The following SENP6 variants were observed in gnomAD, a reference collection of about 807,000 sequenced individuals.
SENP6 encodes the protein sentrin-specific protease 6.
In SENP6, 41 loss-of-function variants were observed where a neutral mutation model predicts 134.5. That is an observed-to-expected ratio of 0.30 (90% CI 0.24 to 0.40). SENP6 has a LOEUF of 0.40. Ranked by LOEUF, SENP6 falls within the 10% of genes least tolerant of loss-of-function variation. The pLI is 1.00. For missense variants in SENP6, 1,248 were observed against 1,312.5 expected (o/e 0.95, Z 0.76); for synonymous variants, 395 against 429.8 (o/e 0.92, Z 1.00).
intron 7 of SENP6, among the ~76,000 whole-genome samples, chr6:75,659,037 A>G (rs1771572020): frequency 6.7e-6 from 1 of 149,978 alleles, no homozygotes. Context: ...AGGCACAGGA[A>G]GGGCTTCTGT....
intron 1 of SENP6, among the ~76,000 whole-genome samples, chr6:75,617,473 C>T (rs1319358132): frequency 6.6e-6 from 1 of 151,196 alleles, no homozygotes; most frequent in African/African-American, 2.4e-5. Context: ...GGTTTCTCCA[C>T]GTTGGTCAGG....
intron 1 of SENP6, among the ~76,000 whole-genome samples, chr6:75,616,807 AT>A: frequency 6.6e-6 from 1 of 151,430 alleles, no homozygotes; most frequent in East Asian, 1.9e-4. Flanking sequence ...GTGCATAAAT[AT>A]TACGACGTCT....
intron 8 of SENP6, among the ~76,000 whole-genome samples, chr6:75,660,185 T>C (rs1771663858): frequency 6.6e-6 from 1 of 152,202 alleles, no homozygotes; most frequent in Non-Finnish European, 1.5e-5. Context: ...TTGTAAATGA[T>C]GTGTGTAGTT....
At chr6:75,697,055 C>T (rs1201166877) in intron 17 of SENP6, among the ~76,000 whole-genome samples, 2 of 152,114 alleles carry the variant, frequency 1.3e-5, no homozygotes, top group Non-Finnish European at 2.9e-5. Context: ...AGATAATGCT[C>T]ACTTTTCCTA....
intron 3 of SENP6, among the ~76,000 whole-genome samples, chr6:75,627,917 C>G (rs1437430395): frequency 6.6e-6 from 1 of 152,016 alleles, no homozygotes; most frequent in African/African-American, 2.4e-5. Context: ...CGTGATCTGC[C>G]CGCCTTGGCC....
At chr6:75,676,352 A>G (rs1029286571) in intron 13 of SENP6, among the ~76,000 whole-genome samples, 3 of 152,114 alleles carry the variant, frequency 2.0e-5, no homozygotes, top group African/African-American at 7.2e-5. Flanking sequence ...GTAAAATAAA[A>G]TTTTTTAACT....
Position 75,717,303 on chromosome 6 carries a change from T to C in SENP6, c.*1709T>C, listed in dbSNP as rs1776066838. On this transcript the variant is annotated 3_prime_UTR_variant, in exon 24 of 24. Transcript: ENST00000447266. ...TTTAATGAACTATATTTTGTCAGAATCTGAAGGTACTGAAAAACTATTCTA... is the reference window on the plus strand; with the variant it reads ...TTTAATGAACTATATTTTGTCAGAACCTGAAGGTACTGAAAAACTATTCTA... 1 of 152,076 alleles carries C rather than the reference T, an allele frequency of 6.6e-6. No individual in the cohort carries two copies. The allele number at this position is 152,076 out of a possible 1,614,324, so 9.4% of individuals were successfully genotyped here.
At chr6:75,681,051 T>A (rs1337991962) in intron 16 of SENP6, among the ~76,000 whole-genome samples, 1 of 152,190 alleles carries the variant, frequency 6.6e-6, no homozygotes, top group Non-Finnish European at 1.5e-5. Flanking sequence ...CAATAGACAT[T>A]AACACCAAGA....
intron 19 of SENP6, 51 bp downstream of exon 19, chr6:75,703,123 T>A: frequency 7.2e-7 from 1 of 1,383,232 alleles, no homozygotes; most frequent in South Asian, 1.4e-5. Context: ...ATAATCTGGA[T>A]TTTTTAATAA....
At chr6:75,683,611 A>G (rs557870062) in intron 16 of SENP6, among the ~76,000 whole-genome samples, 2 of 152,208 alleles carry the variant, frequency 1.3e-5, no homozygotes, top group Admixed American at 6.5e-5. Flanking sequence ...AGCTTTCTAC[A>G]TATGGCTAGC....
chr6:75,603,968 G>C (rs1766830488), intron 1 of SENP6, among the ~76,000 whole-genome samples: 1 of 152,162 alleles, frequency 6.6e-6, no homozygotes, highest in Non-Finnish European at 1.5e-5. Flanking sequence ...TACCTGTCGA[G>C]GCTGAGAGGG....
intron 9 of SENP6, among the ~76,000 whole-genome samples, chr6:75,665,745 A>T (rs1191396861): frequency 6.6e-6 from 1 of 152,158 alleles, no homozygotes; most frequent in African/African-American, 2.4e-5. Flanking sequence ...ACTTGGCTAC[A>T]GCCAGGTGCG....
chr6:75,647,181 C>G (rs984760853), intron 6 of SENP6: 1 of 152,370 alleles, frequency 6.6e-6, no homozygotes, highest in African/African-American at 2.4e-5. Context: ...ATACAATTAG[C>G]TATAAGGTTT....
intron 14 of SENP6, chr6:75,677,652 G>A: frequency 6.4e-6 from 1 of 157,368 alleles, no homozygotes; most frequent in Non-Finnish European, 1.4e-5. Flanking sequence ...ATGTAATATA[G>A]GCATATATGG....
chr6:75,676,931 C>T, intron 13 of SENP6, 99 bp from the exon 14 acceptor site: 2 of 658,718 alleles, frequency 3.0e-6, no homozygotes, highest in East Asian at 2.7e-5. Flanking sequence ...ACTGGGATTT[C>T]TGATTATCCT....
chr6:75,672,782 T>A (rs1354965650), intron 11 of SENP6, among the ~76,000 whole-genome samples: 6 of 152,176 alleles, frequency 3.9e-5, no homozygotes, highest in Non-Finnish European at 8.8e-5. Flanking sequence ...AATTTAATCA[T>A]TTTAATTTGC....
rs149763760 is a variant in SENP6, at chr6:75,650,379, G to A, written c.550+2578G>A. Among the ~76,000 whole-genome samples the A allele has an allele frequency of 1.9e-3, 295 of 152,058 alleles. 2 individuals carry two copies. Among genetic ancestry groups the A allele is most frequent in the African/African-American group, 6.6e-3 (273 of 41,546 alleles). ...TTTAGAAGAGATATACTCTGAAACT[G>A]TGCAAATACCCTGTTTTTCTTCAAA... On this transcript the variant is annotated intron_variant, in intron 7 of 23. Transcript: ENST00000447266.
At position 75,674,146 on chromosome 6, in the gene SENP6, C is replaced by CT. The variant is rs770350544; in HGVS notation, c.1393-1265dup. Among the ~76,000 whole-genome samples the CT allele has an allele frequency of 7.0e-3, 898 of 128,500 alleles. 9 individuals carry two copies. Among genetic ancestry groups the CT allele is most frequent in the Non-Finnish European group, 8.9e-3 (562 of 62,828 alleles). The allele number at this position is 128,500 out of a possible 152,430, so 84.3% of individuals were successfully genotyped here. On this transcript the variant is annotated intron_variant, in intron 11 of 23. Transcript: ENST00000447266. ...TGCTAGAATGTTTCGCAAGCTACTC[C>CT]TTTTTTTTTTTTTTTTTTTTTTTTA...
At chr6:75,707,587 T>C (rs1483006990) in intron 19 of SENP6, among the ~76,000 whole-genome samples, 1 of 151,896 alleles carries the variant, frequency 6.6e-6, no homozygotes, top group Admixed American at 6.6e-5. Flanking sequence ...CAAACTTCTG[T>C]GTTCAAGCAA....
Sources: gnomAD v4.1 joint callset for allele counts (sites outside exome capture counted in the v4.1 genomes callset) on GRCh38, gnomAD v4.1.1 for gene constraint, MANE v1.5 for transcripts, NCBI Gene and HGNC (gene_info 2026-07-23, HGNC 2026-07-21) for gene names.